OGDH: variants seen among roughly 807,000 people sequenced by gnomAD.
OGDH encodes 2-oxoglutarate dehydrogenase complex component E1.
A neutral mutation model predicts 116.6 loss-of-function variants in OGDH; 38 were observed. The ratio of observed to expected loss-of-function variants is 0.33; its 90% CI spans 0.25 to 0.43. The LOEUF is 0.43. Ranked by LOEUF, OGDH falls within the 20% of genes least tolerant of loss-of-function variation. The probability of loss-of-function intolerance (pLI) is 1.00; values close to 1 mark genes in which losing one functional copy is unlikely to be tolerated. For missense variants in OGDH, 825 were observed against 1,357.2 expected, an observed-to-expected ratio of 0.61 and a Z score of 6.16; for synonymous variants, 488 against 533.3, an observed-to-expected ratio of 0.92 and a Z score of 1.17.
intron 4 of OGDH, among the ~76,000 whole-genome samples, chr7:44,653,238 G>T (rs1394116874): frequency 6.6e-6 from 1 of 151,892 alleles, no homozygotes; most frequent in Admixed American, 6.6e-5. Context: ...GATTACAGAT[G>T]TGCACCACCA....
At chr7:44,626,432 C>G (rs545499876) in intron 2 of OGDH, among the ~76,000 whole-genome samples, 85 of 152,058 alleles carry the variant, frequency 5.6e-4, no homozygotes, top group Non-Finnish European at 1.1e-3. Flanking sequence ...TATTATGTGC[C>G]CAGGCCTATT....
chr7:44,625,334 A>G (rs945715124), intron 2 of OGDH, among the ~76,000 whole-genome samples: 1 of 152,188 alleles, frequency 6.6e-6, no homozygotes, highest in Admixed American at 6.5e-5. Flanking sequence ...TTTGTTGGCC[A>G]GGCTGGTCTT....
chr7:44,673,078 C>G (rs1289283628), intron 5 of OGDH, among the ~76,000 whole-genome samples: 2 of 152,122 alleles, frequency 1.3e-5, no homozygotes, highest in African/African-American at 4.8e-5. Flanking sequence ...TGGTACAGGA[C>G]ATCTTGATCT....
intron 2 of OGDH, among the ~76,000 whole-genome samples, chr7:44,629,006 C>G (rs1785315089): frequency 6.6e-6 from 1 of 152,116 alleles, no homozygotes; most frequent in Admixed American, 6.5e-5. Flanking sequence ...CTCACTGACC[C>G]CTCTTAAGAG....
At chr7:44,672,906 G>T (rs1022742551) in intron 5 of OGDH, among the ~76,000 whole-genome samples, 2 of 152,086 alleles carry the variant, frequency 1.3e-5, no homozygotes, top group African/African-American at 4.8e-5. Context: ...CTCCCAAAGT[G>T]CTGGGATTAC....
At chr7:44,613,070 G>T (rs1784628751) in intron 1 of OGDH, among the ~76,000 whole-genome samples, 1 of 151,758 alleles carries the variant, frequency 6.6e-6, no homozygotes. Flanking sequence ...TAGAGACAGG[G>T]TTTCACCATG....
At chr7:44,618,434 G>C (rs1175492196) in intron 1 of OGDH, among the ~76,000 whole-genome samples, 1 of 152,060 alleles carries the variant, frequency 6.6e-6, no homozygotes, top group African/African-American at 2.4e-5. Flanking sequence ...CCAGCCCCAG[G>C]CAACCACTAA....
intron 20 of OGDH, among the ~76,000 whole-genome samples, chr7:44,705,051 C>CTTTTTTTTCTTTTTT (rs1789005444): frequency 4.3e-5 from 4 of 93,924 alleles, no homozygotes; most frequent in African/African-American, 1.8e-4. Flanking sequence ...TTTTAATTTT[C>CTTTTTTTTCTTTTTT]TTTTTTTTTT....
At chr7:44,635,411 A>G (rs1056785976) in intron 2 of OGDH, among the ~76,000 whole-genome samples, 1 of 152,214 alleles carries the variant, frequency 6.6e-6, no homozygotes, top group Non-Finnish European at 1.5e-5. Context: ...GTGTGGCTCC[A>G]TGCAGCAAGG....
At chr7:44,670,994 G>C (rs549436133) in intron 5 of OGDH, among the ~76,000 whole-genome samples, 1 of 117,170 alleles carries the variant, frequency 8.5e-6, no homozygotes, top group Non-Finnish European at 1.6e-5. Context: ...CTGGGCAACA[G>C]AGCAAGACTC....
At chr7:44,676,255 TA>T in intron 9 of OGDH, 106 bp downstream of exon 9, 1 of 1,589,542 alleles carries the variant, frequency 6.3e-7, no homozygotes, top group Non-Finnish European at 8.6e-7. Context: ...ATCTAGACTT[TA>T]AAAAAATATT....
At chr7:44,628,965 T>C (rs908514121) in intron 2 of OGDH, among the ~76,000 whole-genome samples, 7 of 152,194 alleles carry the variant, frequency 4.6e-5, no homozygotes, top group African/African-American at 1.4e-4. Context: ...TCCTAGACTT[T>C]CGTCTCTGTT....
At chr7:44,685,570 T>C (rs1788093767) in intron 10 of OGDH, among the ~76,000 whole-genome samples, 1 of 152,228 alleles carries the variant, frequency 6.6e-6, no homozygotes. Context: ...ATAATGCTGC[T>C]ATGATGCTAT....
chr7:44,625,044 A>G (rs1370225213), intron 2 of OGDH, among the ~76,000 whole-genome samples: 2 of 152,098 alleles, frequency 1.3e-5, no homozygotes, highest in Non-Finnish European at 2.9e-5. Context: ...TCTGTATTAC[A>G]TATAAGGGCA....
At chr7:44,654,639 C>CG (rs1230351934) in intron 4 of OGDH, among the ~76,000 whole-genome samples, 1 of 152,122 alleles carries the variant, frequency 6.6e-6, no homozygotes, top group Non-Finnish European at 1.5e-5. Flanking sequence ...CTCGGGAGGG[C>CG]GGGGCCAAGC....
chr7:44,611,556 G>A (rs1038707513), intron 1 of OGDH, among the ~76,000 whole-genome samples: 2 of 152,024 alleles, frequency 1.3e-5, no homozygotes, highest in East Asian at 3.9e-4. Context: ...GATTACAGGC[G>A]TGAGCCACCG....
intron 1 of OGDH, among the ~76,000 whole-genome samples, chr7:44,620,862 C>G (rs1421994146): frequency 1.3e-5 from 2 of 152,114 alleles, no homozygotes; most frequent in African/African-American, 2.4e-5. Context: ...TATTGGACAT[C>G]CCTGTTTTAA....
chr7:44,699,964 C>T (rs1199923666), intron 18 of OGDH, among the ~76,000 whole-genome samples, 177 bp from the exon 19 acceptor site: 1 of 152,094 alleles, frequency 6.6e-6, no homozygotes, highest in Non-Finnish European at 1.5e-5. Flanking sequence ...AGGGGATGGC[C>T]CAAGCTCTAA....
chr7:44,682,457 G>A (rs1209031451), intron 10 of OGDH, among the ~76,000 whole-genome samples: 1 of 152,068 alleles, frequency 6.6e-6, no homozygotes, highest in Non-Finnish European at 1.5e-5. Context: ...CAGCACTTTG[G>A]GAGGCCAAGG....
Sources: gnomAD v4.1 joint callset for allele counts (sites outside exome capture counted in the v4.1 genomes callset) on GRCh38, gnomAD v4.1.1 for gene constraint, MANE v1.5 for transcripts, NCBI Gene and HGNC (gene_info 2026-07-23, HGNC 2026-07-21) for gene names.